EFEMP1: variants seen among roughly 807,000 people sequenced by gnomAD.
EFEMP1 encodes the protein EGF-like fibulin extracellular matrix protein 1, also known as EGF-containing fibulin-like extracellular matrix protein 1.
A neutral mutation model predicts 65.7 loss-of-function variants in EFEMP1; 18 were observed. The ratio of observed to expected loss-of-function variants is 0.27; its 90% CI spans 0.19 to 0.41. The LOEUF (loss-of-function observed/expected upper bound fraction) is 0.41, where lower values mean the gene tolerates loss of function less well. Among genes scored for constraint, EFEMP1 ranks in the 10% least tolerant of loss-of-function variants. EFEMP1 has a pLI of 1.00. For missense variants in EFEMP1, 469 were observed against 624.8 expected (o/e 0.75, Z 2.66); for synonymous variants, 237 against 219.7 (o/e 1.08, Z -0.70).
chr2:55,911,701 A>C (rs1158599191), intron 5 of EFEMP1, among the ~76,000 whole-genome samples: 1 of 152,092 alleles, frequency 6.6e-6, no homozygotes. Flanking sequence ...CTACACTTTG[A>C]GACCCACTGA....
chr2:55,910,435 A>C (rs556437667), intron 5 of EFEMP1, among the ~76,000 whole-genome samples: 2 of 152,324 alleles, frequency 1.3e-5, no homozygotes, highest in Admixed American at 6.5e-5. Flanking sequence ...AATCAAACAC[A>C]TTGGGAAAAT....
In EFEMP1 at chr2:55,905,311, A is replaced by G. The variant is rs891217080; in HGVS notation, c.517+12354T>C. Among the ~76,000 whole-genome samples, 7 of 152,210 alleles carry G rather than the reference A, an allele frequency of 4.6e-5. No individual in the cohort carries two copies. The East Asian group carries it at 1.3e-3, about 29-fold the overall frequency. ...GTCTTCCTGATTTTCTCTTGTCACT[A>G]TAAACTTTTCCTTTAATCTGAAACC... is the stretch of plus-strand genomic sequence containing the variant. On this transcript the variant is annotated intron_variant, in intron 5 of 11. Coordinates refer to ENST00000355426, the MANE Select transcript of EFEMP1 (RefSeq NM_001039348.3).
rs1270958969 is a variant in EFEMP1, at chr2:55,866,391, A to G, written c.*682T>C. Reference sequence around the variant, plus strand: ...TCCTCCCCATAGATTTCTCAATAGTATAATTTTCTAGGGGATATCTGGTTC... The same window carrying G: ...TCCTCCCCATAGATTTCTCAATAGTGTAATTTTCTAGGGGATATCTGGTTC... On this transcript the variant is annotated 3_prime_UTR_variant, in exon 12 of 12. Coordinates refer to ENST00000355426, the MANE Select transcript of EFEMP1 (RefSeq NM_001039348.3). 3 of 152,236 alleles carry G rather than the reference A, an allele frequency of 2.0e-5. No individual in the cohort carries two copies. The highest frequency in any genetic ancestry group is 1.9e-4 in the East Asian group (1 of 5,208). The allele number at this position is 152,236 out of a possible 1,614,324, so 9.4% of individuals were successfully genotyped here. A position where few individuals can be genotyped will look rare whatever the true frequency, so the allele number is the denominator to read the frequency against.
At position 55,895,544 on chromosome 2, in the gene EFEMP1, C is replaced by CTTT. The variant is rs11439731; in HGVS notation, c.518-13813_518-13811dup. Among the ~76,000 whole-genome samples the CTTT allele has an allele frequency of 4.6e-3, 637 of 138,516 alleles. 4 individuals carry two copies. Among genetic ancestry groups the CTTT allele is most frequent in the Non-Finnish European group, 6.7e-3 (428 of 64,172 alleles). 90.9% of individuals were successfully genotyped at this position (138,516 alleles called of 152,430 possible). A position where few individuals can be genotyped will look rare whatever the true frequency, so the allele number is the denominator to read the frequency against. The stretch of plus-strand genomic sequence containing the variant: ...TAGGACAGCTGTGTCCACAAATTAT[C>CTTT]TTTTTTTTTTTTTTTTTGAGACGGA... On this transcript the variant is annotated intron_variant, in intron 5 of 11. Coordinates refer to ENST00000355426, the MANE Select transcript of EFEMP1 (RefSeq NM_001039348.3).
Position 55,869,932 on chromosome 2 carries a change from C to T in EFEMP1, c.1320+788G>A, listed in dbSNP as rs147567818. 6.9e-3 allele frequency among the ~76,000 whole-genome samples: 1,053 copies of T among 152,060 alleles called. 4 individuals are homozygous for T. Among genetic ancestry groups the T allele is most frequent in the Admixed American group, 0.023 (347 of 15,248 alleles). On this transcript the variant is annotated intron_variant, in intron 11 of 11. Transcript: ENST00000355426. Reference sequence around the variant, plus strand: ...GGCTGAGGCTTTGGGGTCAGGGAGACCAGCTCAGAAGCCACTGAAGGGATC... The same window carrying T: ...GGCTGAGGCTTTGGGGTCAGGGAGATCAGCTCAGAAGCCACTGAAGGGATC...
Position 55,916,753 on chromosome 2 carries a change from G to A in EFEMP1, c.517+912C>T, listed in dbSNP as rs187869521. 2.0e-5 allele frequency among the ~76,000 whole-genome samples: 3 copies of A among 152,326 alleles called. No homozygotes were observed. The East Asian group carries it at 5.8e-4, about 29-fold the overall frequency. On this transcript the variant is annotated intron_variant, in intron 5 of 11. Transcript: ENST00000355426. ...TGGAGGCTCCTATGGCCCCATTTCA[G>A]TAACACAGTCTCCACACCAGGCTGC...
At chr2:55,904,672 T>C (rs1670175184) in intron 5 of EFEMP1, among the ~76,000 whole-genome samples, 1 of 152,192 alleles carries the variant, frequency 6.6e-6, no homozygotes, top group Admixed American at 6.5e-5. Flanking sequence ...GGTTCTCAGA[T>C]TTTTTGGACT....
At chr2:55,897,542 T>A (rs1194277658) in intron 5 of EFEMP1, among the ~76,000 whole-genome samples, 1 of 152,208 alleles carries the variant, frequency 6.6e-6, no homozygotes, top group Non-Finnish European at 1.5e-5. Flanking sequence ...GTGTTTTACC[T>A]TTCCAAACTA....
intron 8 of EFEMP1, among the ~76,000 whole-genome samples, chr2:55,876,238 C>T (rs1453866448): frequency 6.6e-6 from 1 of 151,994 alleles, no homozygotes; most frequent in East Asian, 1.9e-4. Flanking sequence ...TAAATGTGCA[C>T]ACCAGTCACC....
At position 55,883,464 on chromosome 2, in the gene EFEMP1, C is replaced by A. The variant is rs1669319405; in HGVS notation, c.518-1730G>T. On this transcript the variant is annotated intron_variant, in intron 5 of 11. Transcript: ENST00000355426. The surrounding 1 kb of genome is among the most constrained non-coding windows in gnomAD (Gnocchi z 4.5). ...TTATGACTCGTTAATGCAGAAATGA[C>A]AGCAGAGTATCTATTGTTTTATGTC... 6.6e-6 allele frequency among the ~76,000 whole-genome samples: 1 copy of A among 152,168 alleles called. No homozygotes were observed. The highest frequency in any genetic ancestry group is 2.4e-5 in the African/African-American group (1 of 41,436).
intron 5 of EFEMP1, among the ~76,000 whole-genome samples, chr2:55,900,687 CAA>C (rs1670000308): frequency 6.6e-6 from 1 of 152,100 alleles, no homozygotes; most frequent in African/African-American, 2.4e-5. Context: ...GGTTAATTGA[CAA>C]TCTGGCTACT....
At chr2:55,914,457 A>C (rs897867895) in intron 5 of EFEMP1, among the ~76,000 whole-genome samples, 8 of 152,240 alleles carry the variant, frequency 5.3e-5, no homozygotes. Flanking sequence ...TTAAATGGAC[A>C]GCTATTTAAA....
At chr2:55,915,598 C>T (rs1397934462) in intron 5 of EFEMP1, among the ~76,000 whole-genome samples, 2 of 152,084 alleles carry the variant, frequency 1.3e-5, no homozygotes, top group Non-Finnish European at 2.9e-5. Flanking sequence ...CTACAAACTA[C>T]TTTGGGAAAT....
chr2:55,868,521 T>C (rs1158912667), intron 11 of EFEMP1, among the ~76,000 whole-genome samples: 1 of 152,160 alleles, frequency 6.6e-6, no homozygotes, highest in Non-Finnish European at 1.5e-5. Context: ...TACGTTCTCT[T>C]TTCCAGGGAA....
In EFEMP1 at chr2:55,910,050, A is replaced by G. The variant is rs538452105; in HGVS notation, c.517+7615T>C. ...ATAGATGTACAATCATTTGAAAGGTAGTTGAACTTTTAGAATTTGACTTAG... is the reference window on the plus strand; with the variant it reads ...ATAGATGTACAATCATTTGAAAGGTGGTTGAACTTTTAGAATTTGACTTAG... On this transcript the variant is annotated intron_variant, in intron 5 of 11. Transcript: ENST00000355426. 2.0e-5 allele frequency among the ~76,000 whole-genome samples: 3 copies of G among 152,334 alleles called. No individual in the cohort carries two copies. In the East Asian group the frequency reaches 5.8e-4, roughly 29 times the overall value.
intron 5 of EFEMP1, among the ~76,000 whole-genome samples, chr2:55,904,209 A>C (rs1670152694): frequency 6.6e-6 from 1 of 152,162 alleles, no homozygotes; most frequent in Non-Finnish European, 1.5e-5. Flanking sequence ...AGTGTCACTG[A>C]AACTTGAGAT....
intron 5 of EFEMP1, among the ~76,000 whole-genome samples, chr2:55,900,491 G>A (rs553143224): frequency 6.6e-6 from 1 of 152,258 alleles, no homozygotes; most frequent in East Asian, 1.9e-4. Context: ...AAAATAATCT[G>A]GGGGAGAGTA....
chr2:55,872,135 C>T (rs749635323), intron 9 of EFEMP1, among the ~76,000 whole-genome samples: 17 of 152,134 alleles, frequency 1.1e-4, no homozygotes, highest in Non-Finnish European at 2.1e-4. Context: ...TCTCCCTTTA[C>T]ATTTGAATAG....
intron 5 of EFEMP1, among the ~76,000 whole-genome samples, chr2:55,882,528 C>A (rs1336712656): frequency 2.0e-5 from 3 of 151,982 alleles, no homozygotes. Context: ...TAAGAAATTT[C>A]TTTCAGATCA....
Sources: gnomAD v4.1 joint callset for allele counts (sites outside exome capture counted in the v4.1 genomes callset) on GRCh38, gnomAD v4.1.1 for gene constraint, Gnocchi (gnomAD v3.1) non-coding constraint, MANE v1.5 for transcripts, NCBI Gene and HGNC (gene_info 2026-07-23, HGNC 2026-07-21) for gene names.